Variants in CDK8 observed in about 807,000 individuals in gnomAD.
CDK8 encodes the protein cyclin dependent kinase 8.
In CDK8, 29 loss-of-function variants were observed where a neutral mutation model predicts 71.5. The ratio of observed to expected loss-of-function variants is 0.41; its 90% confidence interval spans 0.30 to 0.55. The LOEUF is 0.55. CDK8 is among the 20% of genes least tolerant of loss of function. The pLI, the probability that CDK8 is intolerant of heterozygous loss-of-function variation, is 0.37. For missense variants in CDK8, 288 were observed against 572.6 expected, an observed-to-expected ratio of 0.50 and a Z score of 5.07; for synonymous variants, 161 against 192.1, an observed-to-expected ratio of 0.84 and a Z score of 1.34.
chr13:26,316,259 C>T (rs1436019681), intron 1 of CDK8, among the ~76,000 whole-genome samples: 2 of 152,094 alleles, frequency 1.3e-5, no homozygotes, highest in African/African-American at 2.4e-5. Context: ...ACTTGGGAGA[C>T]TGAGGTGGGA....
chr13:26,362,222 AGATGGATG>A (rs66479948), intron 4 of CDK8, among the ~76,000 whole-genome samples: 9,530 of 146,684 alleles, frequency 0.065, 523 homozygotes, highest in South Asian at 0.13. Context: ...GATAGATGAT[AGATGGATG>A]GATGGATGGA....
At chr13:26,359,831 T>A in intron 4 of CDK8, 2 of 266,286 alleles carry the variant, frequency 7.5e-6, no homozygotes, top group Non-Finnish European at 1.6e-5. Flanking sequence ...TTCTCCTGCC[T>A]TAGCCTCCCA....
chr13:26,369,053 G>T, intron 4 of CDK8, among the ~76,000 whole-genome samples: 1 of 151,628 alleles, frequency 6.6e-6, no homozygotes, highest in East Asian at 1.9e-4. Flanking sequence ...ATCCTGTTTT[G>T]TTATCATGAT....
intron 1 of CDK8, among the ~76,000 whole-genome samples, chr13:26,270,100 T>C (rs1012121685): frequency 1.1e-4 from 16 of 152,020 alleles, no homozygotes; most frequent in Non-Finnish European, 2.2e-4. Flanking sequence ...ATTTAAAATA[T>C]ACAGTTTAGC....
At chr13:26,255,916 G>A (rs1159398173) in intron 1 of CDK8, among the ~76,000 whole-genome samples, 1 of 152,170 alleles carries the variant, frequency 6.6e-6, no homozygotes, top group Non-Finnish European at 1.5e-5. Context: ...CTGTGGGGTA[G>A]GGGGGCGCAT....
At chr13:26,267,975 G>T (rs531423287) in intron 1 of CDK8, among the ~76,000 whole-genome samples, 13 of 152,228 alleles carry the variant, frequency 8.5e-5, no homozygotes, top group Admixed American at 7.2e-4. Context: ...CCATGCTCAA[G>T]TACAAGTAAC....
intron 1 of CDK8, among the ~76,000 whole-genome samples, chr13:26,315,905 A>G (rs9512184): frequency 9.8e-4 from 150 of 152,288 alleles, no homozygotes; most frequent in South Asian, 2.9e-3. Context: ...CCTGTGTAAC[A>G]TATATTTTGG....
intron 1 of CDK8, among the ~76,000 whole-genome samples, chr13:26,267,653 C>T (rs1340475493): frequency 1.3e-5 from 2 of 152,286 alleles, no homozygotes; most frequent in Non-Finnish European, 2.9e-5. Flanking sequence ...GCACCTGTAA[C>T]TCAATTCATT....
chr13:26,263,463 C>T (rs1393181365), intron 1 of CDK8, among the ~76,000 whole-genome samples: 13 of 147,674 alleles, frequency 8.8e-5, no homozygotes. Flanking sequence ...TTTTTTGAGC[C>T]AGAGTTTTGC....
chr13:26,347,258 G>A (rs574834428), intron 2 of CDK8, among the ~76,000 whole-genome samples: 7 of 152,040 alleles, frequency 4.6e-5, no homozygotes, highest in Admixed American at 3.9e-4. Flanking sequence ...TTCTCTCTAC[G>A]TTCTTTGTTA....
chr13:26,314,758 T>A (rs1874433153), intron 1 of CDK8, among the ~76,000 whole-genome samples: 2 of 152,228 alleles, frequency 1.3e-5, no homozygotes, highest in Non-Finnish European at 2.9e-5. Context: ...TTTATTCGGA[T>A]AACTGTCTTC....
At chr13:26,399,330 G>A (rs2138072195) in intron 9 of CDK8, among the ~76,000 whole-genome samples, 1 of 152,272 alleles carries the variant, frequency 6.6e-6, no homozygotes, top group South Asian at 2.1e-4. Context: ...GTCTTAATGT[G>A]TCTGTTAGTT....
chr13:26,308,792 C>A (rs1874155560), intron 1 of CDK8, among the ~76,000 whole-genome samples: 1 of 152,194 alleles, frequency 6.6e-6, no homozygotes, highest in African/African-American at 2.4e-5. Flanking sequence ...CTTCAGCCCA[C>A]TCCAATTTGG....
chr13:26,263,810 G>A (rs1423393140), intron 1 of CDK8, among the ~76,000 whole-genome samples: 3 of 146,908 alleles, frequency 2.0e-5, no homozygotes, highest in Admixed American at 6.9e-5. Flanking sequence ...GCAGTGGCAC[G>A]ATCTCGGCTC....
At chr13:26,339,178 G>A (rs1024888423) in intron 2 of CDK8, among the ~76,000 whole-genome samples, 1 of 151,894 alleles carries the variant, frequency 6.6e-6, no homozygotes, top group Non-Finnish European at 1.5e-5. Context: ...TTCTGTATGT[G>A]GCTGAAGAAA....
chr13:26,380,676 C>G (rs913877668), intron 4 of CDK8, among the ~76,000 whole-genome samples: 1 of 151,970 alleles, frequency 6.6e-6, no homozygotes, highest in African/African-American at 2.4e-5. Context: ...AGGTGGGGTT[C>G]TACTGTGTTG....
chr13:26,294,338 C>T (rs1369812333), intron 1 of CDK8, among the ~76,000 whole-genome samples: 1 of 152,082 alleles, frequency 6.6e-6, no homozygotes, highest in East Asian at 1.9e-4. Context: ...GTCGATGATT[C>T]TTATGTGATT....
intron 6 of CDK8, among the ~76,000 whole-genome samples, chr13:26,387,315 T>C (rs1290196564): frequency 6.6e-6 from 1 of 152,238 alleles, no homozygotes; most frequent in Non-Finnish European, 1.5e-5. Context: ...TAGCAAGCAT[T>C]CTTCAACTGT....
chr13:26,401,536 G>T lies in CDK8; in HGVS notation c.1181G>T (p.Ser394Ile). 1 of 1,614,176 alleles carries T rather than the reference G, an allele frequency of 6.2e-7. No individual in the cohort carries two copies. The highest frequency in any genetic ancestry group is 8.5e-7 in the Non-Finnish European group (1 of 1,180,030). Residue 394 changes from serine to isoleucine, a missense_variant, in exon 12 of 13, where the codon AGT becomes ATT. Physicochemically the swap from Ser to Ile is moderately radical, Grantham distance 142. This residue lies in a region of CDK8 where 76 missense variants were observed against 99.7 expected (regional missense o/e 0.76). Coordinates refer to ENST00000381527, the MANE Select transcript of CDK8 (RefSeq NM_001260.3). This position sits in a 1 kb window ranked among gnomAD's most constrained non-coding sequence, Gnocchi z 4.5. ...GGCCACCCAGGGAATCAAGACAGCA[G>T]TCACACACAGGGACCCCCGTTGAAG... ...GTGHPGNQDS[S>I]HTQGPPLKKV...
Sources: allele counts gnomAD v4.1 joint callset (sites outside exome capture counted in the v4.1 genomes callset), GRCh38; gene constraint gnomAD v4.1.1; regional missense constraint gnomAD v4.1.1; non-coding constraint Gnocchi (gnomAD v3.1); transcripts MANE v1.5; gene names NCBI Gene and HGNC (gene_info 2026-07-23, HGNC 2026-07-21).